Variants in ENTPD4 observed in about 807,000 individuals in gnomAD.
The protein encoded by ENTPD4 is ectonucleoside triphosphate diphosphohydrolase 4.
In ENTPD4, 60 loss-of-function variants were observed where a neutral mutation model predicts 79.1. The ratio of observed to expected loss-of-function variants is 0.76; its 90% confidence interval spans 0.62 to 0.94. The LOEUF (loss-of-function observed/expected upper bound fraction) is 0.94. Ranked by LOEUF, ENTPD4 falls within the 40% of genes least tolerant of loss-of-function variation. The pLI is 0.00. For synonymous variants in ENTPD4, 276 were observed against 292.0 expected, an observed-to-expected ratio of 0.95 and a Z score of 0.56; for missense variants, 772 against 775.1, an observed-to-expected ratio of 1.00 and a Z score of 0.05.
chr8:23,432,970 T>A lies in ENTPD4; in HGVS notation c.1807A>T (p.Met603Leu). 6 of 1,612,928 alleles carry A rather than the reference T, an allele frequency of 3.7e-6. No homozygotes were observed. The highest frequency in any genetic ancestry group is 4.2e-6 in the Non-Finnish European group (5 of 1,179,486). ...PRSSSAAALW[M>L]EEGLPAQNAP... is the part of the protein sequence containing the mutation. Reference sequence around the variant, plus strand: ...TTCTGGGCGGGAAGGCCCTCCTCCATCCAGAGGGCGGCGGCCGAGCTGCTC... The same window carrying A: ...TTCTGGGCGGGAAGGCCCTCCTCCAACCAGAGGGCGGCGGCCGAGCTGCTC... The change falls in exon 13 of 13, where the codon ATG becomes TTG. Residue 603 changes from methionine (M) to leucine (L), a missense_variant. Coordinates refer to ENST00000358689, the MANE Select transcript of ENTPD4 (RefSeq NM_004901.5).
At chr8:23,452,473 A>C (rs1348856092) in intron 1 of ENTPD4, among the ~76,000 whole-genome samples, 1 of 152,224 alleles carries the variant, frequency 6.6e-6, no homozygotes, top group Non-Finnish European at 1.5e-5. Flanking sequence ...TGAGGCAGCC[A>C]CTTGCCATGT....
rs745435574 is a variant in ENTPD4 at position 23,448,952 on chromosome 8, G to C, written c.9-13C>G. 6 of 1,607,374 alleles carry C rather than the reference G, an allele frequency of 3.7e-6. No homozygotes were observed. Among genetic ancestry groups the C allele is most frequent in the African/African-American group, 1.3e-5 (1 of 74,598 alleles). ...GGAGATGCCAATCCTGAAATTAGAA[G>C]GAAAAAGATTTTAAAGCAATCTGCT... is the stretch of plus-strand genomic sequence containing the variant. On this transcript the variant is annotated splice_polypyrimidine_tract_variant and intron_variant, in intron 2 of 12. Coordinates refer to ENST00000358689, the MANE Select transcript of ENTPD4 (RefSeq NM_004901.5).
At chr8:23,433,968 T>C (rs535124720) in intron 12 of ENTPD4, 27 of 217,052 alleles carry the variant, frequency 1.2e-4, no homozygotes, top group African/African-American at 5.6e-4. Flanking sequence ...TGTAATCCTA[T>C]GTATTTATAC....
intron 10 of ENTPD4, among the ~76,000 whole-genome samples, chr8:23,436,424 T>C (rs559560895): frequency 6.6e-6 from 1 of 151,972 alleles, no homozygotes; most frequent in Admixed American, 6.6e-5. Flanking sequence ...TCTGGAGTTG[T>C]GGAATCTAGC....
At chr8:23,439,670 C>T in intron 9 of ENTPD4, 79 bp downstream of exon 9, 1 of 1,347,124 alleles carries the variant, frequency 7.4e-7, no homozygotes, top group Non-Finnish European at 1.1e-6. Flanking sequence ...TTGAGTTCTT[C>T]CCACTTTGCC....
intron 4 of ENTPD4, among the ~76,000 whole-genome samples, chr8:23,446,338 C>T (rs1800762763): frequency 6.6e-6 from 1 of 152,090 alleles, no homozygotes; most frequent in South Asian, 2.1e-4. Context: ...CTGATGGGAC[C>T]TGGTACGTGA....
intron 12 of ENTPD4, among the ~76,000 whole-genome samples, chr8:23,433,641 A>C (rs769315328): frequency 6.6e-6 from 1 of 152,206 alleles, no homozygotes; most frequent in Non-Finnish European, 1.5e-5. Context: ...AAAAACGCAC[A>C]TCTTTGTTCT....
chr8:23,448,705 G>C (rs191257638), intron 3 of ENTPD4, 37 bp downstream of exon 3: 20 of 1,547,670 alleles, frequency 1.3e-5, no homozygotes, highest in Admixed American at 5.0e-5. Context: ...AGAAGGTAAG[G>C]CTTCTGGTCT....
In ENTPD4 at chr8:23,430,000, C is replaced by T. The variant is rs189872678; in HGVS notation, c.*2926G>A. On this transcript the variant is annotated 3_prime_UTR_variant, in exon 13 of 13. Transcript: ENST00000358689. ...GGCATGTTTCTACCAAGATTGAACACAATGCTTTTCTTTGATAAAGCTTTG... is the reference window on the plus strand; with the variant it reads ...GGCATGTTTCTACCAAGATTGAACATAATGCTTTTCTTTGATAAAGCTTTG... The T allele has an allele frequency of 1.4e-4, 142 of 985,456 alleles. No individual in the cohort carries two copies. The highest frequency in any genetic ancestry group is 1.7e-4 in the Non-Finnish European group (141 of 829,932). 61.0% of individuals were successfully genotyped at this position (985,456 alleles called of 1,614,324 possible).
intron 12 of ENTPD4, among the ~76,000 whole-genome samples, chr8:23,433,565 A>T (rs1490697884): frequency 3.3e-5 from 5 of 152,234 alleles, no homozygotes; most frequent in African/African-American, 1.2e-4. Flanking sequence ...CAAATGTCTC[A>T]TCTATCAGGT....
At position 23,429,551 on chromosome 8, in the gene ENTPD4, C is replaced by T. The variant is rs77527324; in HGVS notation, c.*3375G>A. On this transcript the variant is annotated 3_prime_UTR_variant, in exon 13 of 13. Transcript: ENST00000358689. ...GATTTTTTTCTTAAAGGATGAAAAA[C>T]TCATTTGCCATTTTTAGTTTCTTGC... 8.1e-3 allele frequency: 7,975 copies of T among 985,308 alleles called. 527 individuals are homozygous for T. In the African/African-American group the frequency reaches 0.13, roughly 16 times the overall value. 61.0% of individuals were successfully genotyped at this position (985,308 alleles called of 1,614,324 possible). A position where few individuals can be genotyped will look rare whatever the true frequency, so the allele number is the denominator to read the frequency against.
Position 23,433,171 on chromosome 8 carries a change from C to A in ENTPD4, c.1623-17G>T, listed in dbSNP as rs751371953. 21 of 1,608,352 alleles carry A rather than the reference C, an allele frequency of 1.3e-5. No homozygotes were observed. Among genetic ancestry groups the A allele is most frequent in the Non-Finnish European group, 1.8e-5 (21 of 1,175,026 alleles). ...TGGATGTCTCTGCCCATGTGAACAC[C>A]AAACAACAAACAGGACAGTAAGCAA... On this transcript the variant is annotated splice_polypyrimidine_tract_variant and intron_variant, in intron 12 of 12. Transcript: ENST00000358689.
chr8:23,455,907 A>G (rs571250439), intron 1 of ENTPD4, among the ~76,000 whole-genome samples: 27 of 152,268 alleles, frequency 1.8e-4, no homozygotes, highest in African/African-American at 6.5e-4. Context: ...ACAATCTTCT[A>G]TCATTCTCCA....
chr8:23,448,655 T>C, intron 3 of ENTPD4, 87 bp downstream of exon 3: 1 of 1,070,662 alleles, frequency 9.3e-7, no homozygotes, highest in South Asian at 1.4e-5. Flanking sequence ...AGCCACCCAG[T>C]CTATGGAATT....
intron 4 of ENTPD4, among the ~76,000 whole-genome samples, chr8:23,446,107 T>C (rs1000755360): frequency 2.4e-4 from 37 of 152,240 alleles, no homozygotes; most frequent in African/African-American, 8.4e-4. Context: ...TGCAATGTTA[T>C]ACACGGAAGT....
At chr8:23,434,280 A>G in intron 12 of ENTPD4, 37 bp downstream of exon 12, 1 of 1,606,460 alleles carries the variant, frequency 6.2e-7, no homozygotes, top group Non-Finnish European at 8.5e-7. Flanking sequence ...GCAGAAAAGC[A>G]TCTTTTTGAT....
chr8:23,441,469 C>G (rs1326292302), intron 8 of ENTPD4, 100 bp downstream of exon 8: 2 of 1,535,840 alleles, frequency 1.3e-6, no homozygotes, highest in East Asian at 2.3e-5. Context: ...TCAGCCAGCA[C>G]AGTAAAGATG....
Position 23,429,648 on chromosome 8 carries a change from A to T in ENTPD4, c.*3278T>A, listed in dbSNP as rs1800421307. The T allele has an allele frequency of 1.0e-6, 1 of 985,428 alleles. No individual in the cohort carries two copies. Among genetic ancestry groups the T allele is most frequent in the African/African-American group, 1.7e-5 (1 of 57,360 alleles). The allele number at this position is 985,428 out of a possible 1,614,324, so 61.0% of individuals were successfully genotyped here. On this transcript the variant is annotated 3_prime_UTR_variant, in exon 13 of 13. Coordinates refer to ENST00000358689, the MANE Select transcript of ENTPD4 (RefSeq NM_004901.5). ...GAGTTTAAAATGTAAATATCTGTTT[A>T]TCCAGAGTTTGTTAATCTAGAGTAC... is the stretch of plus-strand genomic sequence containing the variant.
In ENTPD4 at chr8:23,431,299, A is replaced by C; in HGVS notation, c.*1627T>G. ...ATCCTCAGTTATCTGTTATAGCAAC[A>C]ACCCCACTTCTGGGTACTAATCTGC... is the stretch of plus-strand genomic sequence containing the variant. On this transcript the variant is annotated 3_prime_UTR_variant, in exon 13 of 13. Coordinates refer to ENST00000358689, the MANE Select transcript of ENTPD4 (RefSeq NM_004901.5). 1 of 969,960 alleles carries C rather than the reference A, an allele frequency of 1.0e-6. No individual in the cohort carries two copies. Among genetic ancestry groups the C allele is most frequent in the Non-Finnish European group, 1.2e-6 (1 of 815,946 alleles). 60.1% of individuals were successfully genotyped at this position (969,960 alleles called of 1,614,324 possible). A position where few individuals can be genotyped will look rare whatever the true frequency, so the allele number is the denominator to read the frequency against.
Sources: allele counts gnomAD v4.1 joint callset (sites outside exome capture counted in the v4.1 genomes callset), GRCh38; gene constraint gnomAD v4.1.1; transcripts MANE v1.5; gene names NCBI Gene and HGNC (gene_info 2026-07-23, HGNC 2026-07-21).